Variants in ARID2 observed in about 807,000 individuals in gnomAD.
ARID2 encodes AT-rich interaction domain 2.
Under a neutral mutation model 184.6 loss-of-function variants are expected in ARID2, and 32 were observed. The observed-to-expected ratio is 0.17, with a 90% confidence interval of 0.13 to 0.23. The LOEUF (loss-of-function observed/expected upper bound fraction) is 0.23, where lower values mean the gene tolerates loss of function less well. ARID2 is among the 10% of genes least tolerant of loss of function. The probability of loss-of-function intolerance (pLI) is 1.00; values close to 1 mark genes in which losing one functional copy is unlikely to be tolerated. For missense variants in ARID2, 1,696 were observed against 2,197.6 expected, an observed-to-expected ratio of 0.77 and a Z score of 4.56; for synonymous variants, 836 against 772.6, an observed-to-expected ratio of 1.08 and a Z score of -1.36.
intron 3 of ARID2, among the ~76,000 whole-genome samples, chr12:45,775,246 C>T (rs1231481111): frequency 6.6e-6 from 1 of 152,170 alleles, no homozygotes; most frequent in African/African-American, 2.4e-5. Context: ...TGTCTAGCTC[C>T]AGAAAGTTTG....
chr12:45,819,748 T>C (rs12305777), intron 5 of ARID2, among the ~76,000 whole-genome samples: 1 of 142,468 alleles, frequency 7.0e-6, no homozygotes, highest in Non-Finnish European at 1.5e-5. Context: ...TTTTTTTGGG[T>C]TTTTTTTTTT....
intron 6 of ARID2, among the ~76,000 whole-genome samples, chr12:45,828,919 CTT>C (rs1289466103): frequency 6.6e-6 from 1 of 151,856 alleles, no homozygotes; most frequent in Admixed American, 6.6e-5. Flanking sequence ...ACTTACATAA[CTT>C]AATTTTAATG....
intron 3 of ARID2, among the ~76,000 whole-genome samples, chr12:45,790,691 G>A (rs1222996741): frequency 1.3e-5 from 2 of 152,006 alleles, no homozygotes; most frequent in Admixed American, 6.5e-5. Context: ...TCTTACATGC[G>A]GAATGCTACT....
At position 45,729,864 on chromosome 12, in the gene ARID2, C is replaced by A. The variant is rs560068535; in HGVS notation, c.28C>A (p.Pro10Thr). 8.8e-5 allele frequency: 142 copies of A among 1,611,492 alleles called. No individual in the cohort carries two copies. In the East Asian group the frequency reaches 2.7e-3, roughly 31 times the overall value. ...GGCAAACTCGACGGGGAAGGCGCCT[C>A]CGGACGAGCGGAGAAAGGGACTCGC... Reference protein sequence around the residue: MANSTGKAPPDERRKGLAFL... With the variant: MANSTGKAPTDERRKGLAFL... Residue 10 changes from proline to threonine, a missense_variant, in exon 1 of 21, where the codon CCG becomes ACG. Physicochemically the swap from Pro to Thr is conservative, Grantham distance 38. Transcript: ENST00000334344.
chr12:45,816,317 T>C (rs1234728933), intron 4 of ARID2, among the ~76,000 whole-genome samples: 6 of 152,240 alleles, frequency 3.9e-5, no homozygotes, highest in Non-Finnish European at 7.4e-5. Flanking sequence ...AAATTTCTGT[T>C]TAAAGACACT....
intron 16 of ARID2, among the ~76,000 whole-genome samples, chr12:45,879,984 A>C (rs1944073729): frequency 6.6e-6 from 1 of 152,154 alleles, no homozygotes; most frequent in Non-Finnish European, 1.5e-5. Context: ...TTTCTAGGCT[A>C]CAGTGTTCTT....
chr12:45,786,656 G>T (rs1256580372), intron 3 of ARID2, among the ~76,000 whole-genome samples: 1 of 152,236 alleles, frequency 6.6e-6, no homozygotes, highest in African/African-American at 2.4e-5. Flanking sequence ...CAAAGGGAAA[G>T]AAATCAGTAT....
At chr12:45,791,710 G>A (rs1942294364) in intron 3 of ARID2, among the ~76,000 whole-genome samples, 1 of 152,110 alleles carries the variant, frequency 6.6e-6, no homozygotes, top group Non-Finnish European at 1.5e-5. Context: ...TCCTCCCACT[G>A]CAGCCTCCCA....
At chr12:45,826,062 A>G (rs1942994712) in intron 6 of ARID2, among the ~76,000 whole-genome samples, 1 of 152,110 alleles carries the variant, frequency 6.6e-6, no homozygotes, top group South Asian at 2.1e-4. Context: ...AAAGAGTTAT[A>G]GTTAGGCATT....
intron 12 of ARID2, 73 bp downstream of exon 12, chr12:45,847,010 A>AC (rs1427910996): frequency 1.5e-6 from 2 of 1,341,692 alleles, no homozygotes; most frequent in African/African-American, 2.9e-5. Flanking sequence ...AATGTATTCT[A>AC]CAGACATCCA....
chr12:45,754,014 A>G (rs929276691), intron 3 of ARID2, among the ~76,000 whole-genome samples: 3 of 152,234 alleles, frequency 2.0e-5, no homozygotes, highest in Non-Finnish European at 4.4e-5. Context: ...TAAAGCAACT[A>G]CTAAAAAGTT....
At chr12:45,801,473 G>T (rs1942500843) in intron 3 of ARID2, among the ~76,000 whole-genome samples, 1 of 152,084 alleles carries the variant, frequency 6.6e-6, no homozygotes, top group East Asian at 1.9e-4. Context: ...AAAAGGAAAA[G>T]GATAACTTCA....
intron 11 of ARID2, among the ~76,000 whole-genome samples, chr12:45,845,498 G>A (rs897034589): frequency 3.3e-5 from 5 of 151,918 alleles, no homozygotes; most frequent in South Asian, 2.1e-4. Flanking sequence ...TATCTCCACC[G>A]TGTTCCTGGC....
intron 20 of ARID2, among the ~76,000 whole-genome samples, chr12:45,894,844 C>CTTTTTT (rs1290410570): frequency 6.6e-6 from 1 of 151,892 alleles, no homozygotes; most frequent in African/African-American, 2.4e-5. Flanking sequence ...CTTCTAACCT[C>CTTTTTT]TTTTTTGTTT....
In ARID2 at chr12:45,822,926, A is replaced by G. The variant is rs192357027; in HGVS notation, c.705+1439A>G. Among the ~76,000 whole-genome samples the G allele has an allele frequency of 2.1e-4, 32 of 152,326 alleles. No individual in the cohort carries two copies. In the East Asian group the frequency reaches 6.2e-3, roughly 29 times the overall value. ...GGACAGATCATCTAGATAGAAAATC[A>G]GTAAAGAAACATCAGACTTAATCTG... On this transcript the variant is annotated intron_variant, in intron 6 of 20. Coordinates refer to ENST00000334344, the MANE Select transcript of ARID2 (RefSeq NM_152641.4).
intron 4 of ARID2, among the ~76,000 whole-genome samples, chr12:45,814,867 G>T (rs1207225875): frequency 6.6e-6 from 1 of 152,182 alleles, no homozygotes; most frequent in Non-Finnish European, 1.5e-5. Context: ...AGCAGACTTT[G>T]CTGTTAATGT....
intron 3 of ARID2, among the ~76,000 whole-genome samples, chr12:45,760,395 A>AT (rs1419819719): frequency 2.0e-5 from 3 of 152,036 alleles, no homozygotes; most frequent in Admixed American, 6.5e-5. Context: ...AGGTTTTTAA[A>AT]TTTTTTTTGT....
intron 16 of ARID2, chr12:45,882,353 A>C (rs1944120203): frequency 6.6e-6 from 1 of 152,220 alleles, no homozygotes; most frequent in East Asian, 1.9e-4. Flanking sequence ...TTTGTACCGA[A>C]CTGGCTAAAG....
Position 45,851,018 on chromosome 12 carries a change from A to C in ARID2, c.2895A>C (p.Gln965His), listed in dbSNP as rs1464520425. Residue 965 changes from glutamine (Q) to histidine (H), a missense_variant, in exon 15 of 21, where the codon CAA becomes CAC. Physicochemically the swap from Gln to His is conservative, Grantham distance 24. Transcript: ENST00000334344. ...PAGQTVQLTG[Q>H]PNITPSSSPS... ...GTCAGACAGTTCAGCTAACTGGACA[A>C]CCTAACATAACTCCATCTTCTTCAC... 1.2e-6 allele frequency: 2 copies of C among 1,614,030 alleles called. No individual in the cohort carries two copies. The highest frequency in any genetic ancestry group is 2.7e-5 in the African/African-American group (2 of 74,924).
Sources: allele counts gnomAD v4.1 joint callset (sites outside exome capture counted in the v4.1 genomes callset), GRCh38; gene constraint gnomAD v4.1.1; transcripts MANE v1.5; gene names NCBI Gene and HGNC (gene_info 2026-07-23, HGNC 2026-07-21).